CA10: variants seen among roughly 807,000 people sequenced by gnomAD.
The protein encoded by CA10 is carbonic anhydrase 10 (inactive).
CA10 carries 14 observed loss-of-function variants against 44.2 expected under a neutral mutation model. That is an observed-to-expected ratio of 0.32 (90% CI 0.21 to 0.50). CA10 has a LOEUF of 0.50. CA10 is among the 20% of genes least tolerant of loss of function. The pLI is 0.99. For synonymous variants in CA10, 159 were observed against 141.6 expected, an observed-to-expected ratio of 1.12 and a Z score of -0.87; for missense variants, 350 against 409.7, an observed-to-expected ratio of 0.85 and a Z score of 1.26.
intron 3 of CA10, among the ~76,000 whole-genome samples, chr17:51,803,837 T>C (rs951662097): frequency 6.6e-6 from 1 of 152,250 alleles, no homozygotes; most frequent in Non-Finnish European, 1.5e-5. Flanking sequence ...GCATCTTTCC[T>C]TTTGTCAGAG....
At chr17:51,925,174 G>A (rs1982377109) in intron 3 of CA10, among the ~76,000 whole-genome samples, 1 of 152,086 alleles carries the variant, frequency 6.6e-6, no homozygotes, top group Non-Finnish European at 1.5e-5. Context: ...GCAGGTGCAA[G>A]CCACTGCACC....
chr17:52,033,736 C>T (rs980553898), intron 2 of CA10, among the ~76,000 whole-genome samples: 5 of 152,140 alleles, frequency 3.3e-5, no homozygotes, highest in Admixed American at 2.0e-4. Context: ...TTAATGTATA[C>T]ATTAAAAGGC....
chr17:52,034,743 T>G (rs1480842076), intron 2 of CA10, among the ~76,000 whole-genome samples: 4 of 152,172 alleles, frequency 2.6e-5, no homozygotes, highest in African/African-American at 9.7e-5. Flanking sequence ...CTACAATGAC[T>G]AAATGAGTTA....
intron 4 of CA10, among the ~76,000 whole-genome samples, chr17:51,740,637 G>A (rs749970926): frequency 5.9e-5 from 9 of 152,148 alleles, no homozygotes; most frequent in Non-Finnish European, 8.8e-5. Flanking sequence ...GAGGACCCAC[G>A]TGGTCTGCAG....
chr17:52,008,947 G>A (rs74542916), intron 2 of CA10, among the ~76,000 whole-genome samples: 2 of 151,894 alleles, frequency 1.3e-5, no homozygotes, highest in Non-Finnish European at 2.9e-5. Context: ...GATAGGAAGT[G>A]CTTCTTATCT....
chr17:51,814,100 A>G (rs1381270717), intron 3 of CA10, among the ~76,000 whole-genome samples: 5 of 152,200 alleles, frequency 3.3e-5, no homozygotes, highest in Non-Finnish European at 7.3e-5. Context: ...TTCTAGCTGC[A>G]TGATCTTCGG....
chr17:51,736,536 T>A (rs1916920608), intron 4 of CA10, among the ~76,000 whole-genome samples: 1 of 152,178 alleles, frequency 6.6e-6, no homozygotes. Context: ...GGAGTGTGAT[T>A]TAAAACCTCC....
At chr17:51,927,063 T>C (rs956146489) in intron 3 of CA10, among the ~76,000 whole-genome samples, 1 of 152,216 alleles carries the variant, frequency 6.6e-6, no homozygotes, top group Non-Finnish European at 1.5e-5. Flanking sequence ...GTCTCTTTTT[T>C]AGATCCTACC....
intron 1 of CA10, among the ~76,000 whole-genome samples, chr17:52,127,421 A>G (rs1182751414): frequency 6.6e-6 from 1 of 152,156 alleles, no homozygotes; most frequent in Non-Finnish European, 1.5e-5. Context: ...ACATGCATGC[A>G]TATTTCTCCA....
intron 4 of CA10, among the ~76,000 whole-genome samples, chr17:51,689,553 T>C (rs1443399536): frequency 6.6e-6 from 1 of 152,148 alleles, no homozygotes; most frequent in African/African-American, 2.4e-5. Context: ...AATAATGGGG[T>C]TATTGAGATA....
At chr17:51,681,612 C>T (rs188259198) in intron 4 of CA10, among the ~76,000 whole-genome samples, 123 of 152,278 alleles carry the variant, frequency 8.1e-4, no homozygotes, top group Non-Finnish European at 1.3e-3. Context: ...TGCCAAATGT[C>T]CCCTGAAAGG....
intron 3 of CA10, among the ~76,000 whole-genome samples, chr17:51,875,575 G>T (rs1980034158): frequency 6.6e-6 from 1 of 152,082 alleles, no homozygotes; most frequent in Non-Finnish European, 1.5e-5. Flanking sequence ...TCTTTATACT[G>T]CACCCCAATC....
chr17:51,901,367 G>T (rs2143931101), intron 3 of CA10, among the ~76,000 whole-genome samples: 1 of 152,204 alleles, frequency 6.6e-6, no homozygotes, highest in South Asian at 2.1e-4. Flanking sequence ...CTGGTCCCTT[G>T]AGGTTAGAAA....
intron 4 of CA10, among the ~76,000 whole-genome samples, chr17:51,712,808 C>T (rs1915983801): frequency 6.6e-6 from 1 of 152,218 alleles, no homozygotes; most frequent in African/African-American, 2.4e-5. Context: ...ACTATACTAC[C>T]TCTCAGACTA....
chr17:51,920,411 G>T (rs577347460), intron 3 of CA10, among the ~76,000 whole-genome samples: 4 of 151,994 alleles, frequency 2.6e-5, no homozygotes, highest in Non-Finnish European at 5.9e-5. Flanking sequence ...AAAAGAAAAG[G>T]CTAAGAGAGT....
intron 2 of CA10, among the ~76,000 whole-genome samples, chr17:51,996,519 G>GT (rs147654212): frequency 0.013 from 2,000 of 152,056 alleles, 44 homozygotes; most frequent in African/African-American, 0.045. Flanking sequence ...ATGGCCCATG[G>GT]TTTAAATCTT....
intron 6 of CA10, among the ~76,000 whole-genome samples, chr17:51,644,674 C>A (rs1913245654): frequency 6.6e-6 from 1 of 152,116 alleles, no homozygotes; most frequent in African/African-American, 2.4e-5. Context: ...GTCTCCCCAT[C>A]TCAGTGGATG....
At chr17:51,985,817 CA>C (rs1343758718) in intron 2 of CA10, among the ~76,000 whole-genome samples, 6 of 151,880 alleles carry the variant, frequency 4.0e-5, no homozygotes, top group Non-Finnish European at 8.8e-5. Flanking sequence ...AAGACCTCTA[CA>C]AGGAAAACTA....
At chr17:51,834,013 G>A (rs2143791292) in intron 3 of CA10, among the ~76,000 whole-genome samples, 1 of 152,310 alleles carries the variant, frequency 6.6e-6, no homozygotes, top group East Asian at 1.9e-4. Flanking sequence ...GATGATTTAT[G>A]TAACTTTCTT....
Sources: gnomAD v4.1 joint callset for allele counts (sites outside exome capture counted in the v4.1 genomes callset) on GRCh38, gnomAD v4.1.1 for gene constraint, MANE v1.5 for transcripts, NCBI Gene and HGNC (gene_info 2026-07-23, HGNC 2026-07-21) for gene names.